Variants in KPNA1 observed in about 807,000 individuals in gnomAD.
KPNA1 encodes the protein karyopherin subunit alpha 1.
Under a neutral mutation model 70.5 loss-of-function variants are expected in KPNA1, and 10 were observed. The observed-to-expected ratio is 0.14, with a 90% confidence interval of 0.09 to 0.24. The LOEUF (loss-of-function observed/expected upper bound fraction) is 0.24. KPNA1 is among the 10% of genes least tolerant of loss of function. KPNA1 has a pLI of 1.00. For synonymous variants in KPNA1, 192 were observed against 221.9 expected (o/e 0.87, Z 1.20); for missense variants, 397 against 637.9 (o/e 0.62, Z 4.07).
intron 11 of KPNA1, among the ~76,000 whole-genome samples, chr3:122,434,707 T>A (rs914172253): frequency 6.6e-6 from 1 of 152,220 alleles, no homozygotes; most frequent in African/African-American, 2.4e-5. Flanking sequence ...GATGGAGTAC[T>A]TTTACTCAAT....
In KPNA1 at chr3:122,514,843, G is replaced by T; in HGVS notation, c.-92C>A. ...CCGTGCCACTCCCGCGCACAACCTC[G>T]AAGAGCTGGCCCGCGCCTCGGCGGT... On this transcript the variant is annotated 5_prime_UTR_variant, in exon 1 of 14. Coordinates refer to ENST00000344337, the MANE Select transcript of KPNA1 (RefSeq NM_002264.4). 1 of 152,794 alleles carries T rather than the reference G, an allele frequency of 6.5e-6. No individual in the cohort carries two copies. Among genetic ancestry groups the T allele is most frequent in the Non-Finnish European group, 1.5e-5 (1 of 68,506 alleles). 9.5% of individuals were successfully genotyped at this position (152,794 alleles called of 1,614,324 possible).
At chr3:122,429,965 T>C (rs2075879007) in intron 12 of KPNA1, among the ~76,000 whole-genome samples, 1 of 152,172 alleles carries the variant, frequency 6.6e-6, no homozygotes, top group South Asian at 2.1e-4. Flanking sequence ...CATTCATTCA[T>C]GTATGTCTGA....
chr3:122,508,836 A>G (rs2076919977), intron 1 of KPNA1, among the ~76,000 whole-genome samples: 1 of 152,242 alleles, frequency 6.6e-6, no homozygotes. Context: ...ACTACCAGAC[A>G]TCTGGGGAAA....
rs575763209 is a variant in KPNA1 at position 122,502,136 on chromosome 3, T to C, written c.-5-5566A>G. On this transcript the variant is annotated intron_variant, in intron 1 of 13. Transcript: ENST00000344337. ...GGCAAAAAATATCATTCTCACCTTT[T>C]ACAGATAAGGAATCAGAAGGCTCAC... Among the ~76,000 whole-genome samples the C allele has an allele frequency of 3.3e-5, 5 of 152,300 alleles. No individual in the cohort carries two copies. In the South Asian group the frequency reaches 1.0e-3, roughly 32 times the overall value.
At chr3:122,455,782 C>T (rs2076258484) in intron 5 of KPNA1, among the ~76,000 whole-genome samples, 1 of 152,144 alleles carries the variant, frequency 6.6e-6, no homozygotes, top group Non-Finnish European at 1.5e-5. Flanking sequence ...CCTTGAACTC[C>T]TGATCTCAAG....
At chr3:122,470,429 G>A (rs371510903) in intron 2 of KPNA1, among the ~76,000 whole-genome samples, 143 of 151,478 alleles carry the variant, frequency 9.4e-4, no homozygotes, top group African/African-American at 3.2e-3. Flanking sequence ...GGAGAATGGC[G>A]TGAACCCGGG....
intron 2 of KPNA1, among the ~76,000 whole-genome samples, chr3:122,472,010 A>G (rs902799091): frequency 6.6e-6 from 1 of 152,270 alleles, no homozygotes; most frequent in Non-Finnish European, 1.5e-5. Context: ...GGACACTTCA[A>G]CACCTCTCTA....
At chr3:122,464,068 T>A (rs1398017524) in intron 3 of KPNA1, 27 bp from the exon 4 acceptor site, 3 of 1,259,456 alleles carry the variant, frequency 2.4e-6, no homozygotes, top group Admixed American at 2.0e-5. Context: ...AAAGAACATA[T>A]AATAAATTAT....
At chr3:122,457,782 G>T (rs779527744) in intron 5 of KPNA1, 1 of 1,289,796 alleles carries the variant, frequency 7.8e-7, no homozygotes, top group Non-Finnish European at 1.0e-6. Context: ...TTCTCCATTT[G>T]GATCAGGACT....
chr3:122,459,698 T>G, intron 5 of KPNA1: 1 of 985,482 alleles, frequency 1.0e-6, no homozygotes, highest in East Asian at 1.1e-4. Context: ...AAACAGAACC[T>G]TAATTCAAAT....
intron 1 of KPNA1, among the ~76,000 whole-genome samples, chr3:122,509,762 C>T (rs1044561172): frequency 1.6e-4 from 25 of 152,092 alleles, no homozygotes; most frequent in African/African-American, 5.6e-4. Context: ...GGACCTTGTA[C>T]GATCTGATGT....
At chr3:122,488,377 C>A (rs1463324182) in intron 2 of KPNA1, among the ~76,000 whole-genome samples, 5 of 151,750 alleles carry the variant, frequency 3.3e-5, no homozygotes, top group Admixed American at 2.0e-4. Context: ...TTTTAATCAG[C>A]CAGATGTAGT....
At position 122,475,321 on chromosome 3, in the gene KPNA1, A is replaced by G. The variant is rs1258875837; in HGVS notation, c.130-7892T>C. ...AGCCAAGGAGGTGAAAGACCTGTAC[A>G]TTAAAAACTACATAAAACACAGATG... On this transcript the variant is annotated intron_variant, in intron 2 of 13. Transcript: ENST00000344337. Among the ~76,000 whole-genome samples the G allele has an allele frequency of 3.3e-5, 5 of 152,244 alleles. No homozygotes were observed. The South Asian group carries it at 6.2e-4, about 19-fold the overall frequency.
At chr3:122,479,797 G>C (rs1202676982) in intron 2 of KPNA1, among the ~76,000 whole-genome samples, 2 of 151,926 alleles carry the variant, frequency 1.3e-5, no homozygotes, top group Non-Finnish European at 2.9e-5. Context: ...CATAGGATCA[G>C]CAACAATACT....
intron 2 of KPNA1, among the ~76,000 whole-genome samples, chr3:122,484,084 T>C (rs967337452): frequency 2.6e-5 from 4 of 152,202 alleles, no homozygotes; most frequent in Admixed American, 6.5e-5. Context: ...CCTAATAACT[T>C]TGTTAATGTA....
intron 4 of KPNA1, among the ~76,000 whole-genome samples, chr3:122,463,507 A>T (rs1410729684): frequency 1.3e-5 from 2 of 149,954 alleles, no homozygotes; most frequent in Non-Finnish European, 1.5e-5. Context: ...CTGGCAACAG[A>T]GCCGTCTTTA....
At chr3:122,455,242 A>G (rs1264221785) in intron 5 of KPNA1, among the ~76,000 whole-genome samples, 1 of 152,236 alleles carries the variant, frequency 6.6e-6, no homozygotes, top group Non-Finnish European at 1.5e-5. Flanking sequence ...TTAGTGATAG[A>G]AAATTCATAG....
chr3:122,461,181 A>G (rs777763260), intron 5 of KPNA1, 43 bp downstream of exon 5: 1 of 1,258,840 alleles, frequency 7.9e-7, no homozygotes, highest in Non-Finnish European at 1.1e-6. Flanking sequence ...AAAATTTTCA[A>G]AAGGAATTAA....
At chr3:122,463,759 T>A (rs979153571) in intron 4 of KPNA1, among the ~76,000 whole-genome samples, 183 bp downstream of exon 4, 6 of 152,174 alleles carry the variant, frequency 3.9e-5, no homozygotes, top group Admixed American at 3.9e-4. Context: ...CCTGGTGAGA[T>A]CCCACAAATA....
Sources: gnomAD v4.1 joint callset for allele counts (sites outside exome capture counted in the v4.1 genomes callset) on GRCh38, gnomAD v4.1.1 for gene constraint, MANE v1.5 for transcripts, NCBI Gene and HGNC (gene_info 2026-07-23, HGNC 2026-07-21) for gene names.